The following DOCK5 variants were observed in gnomAD, a reference collection of about 807,000 sequenced individuals.
The protein encoded by DOCK5 is dedicator of cytokinesis protein 5.
In DOCK5, 142 loss-of-function variants were observed where a neutral mutation model predicts 251.8. That is an observed-to-expected ratio of 0.56 (90% CI 0.49 to 0.65). The LOEUF (loss-of-function observed/expected upper bound fraction) is 0.65, where lower values mean the gene tolerates loss of function less well. Among genes scored for constraint, DOCK5 ranks in the 30% least tolerant of loss-of-function variants. DOCK5 has a pLI of 0.00. For missense variants in DOCK5, 2,111 were observed against 2,312.3 expected, an observed-to-expected ratio of 0.91 and a Z score of 1.79; for synonymous variants, 842 against 835.5, an observed-to-expected ratio of 1.01 and a Z score of -0.13.
At chr8:25,364,950 G>C (rs528221289) in intron 30 of DOCK5, among the ~76,000 whole-genome samples, 3 of 152,062 alleles carry the variant, frequency 2.0e-5, no homozygotes, top group African/African-American at 7.2e-5. Flanking sequence ...AATAGTAGAA[G>C]ATCAAAAATA....
rs961434329 is a variant in DOCK5, at chr8:25,184,743, C to T, written c.-166C>T. The T allele has an allele frequency of 2.2e-6, 1 of 460,774 alleles. No homozygotes were observed. Among genetic ancestry groups the T allele is most frequent in the Non-Finnish European group, 3.2e-6 (1 of 316,730 alleles). The allele number at this position is 460,774 out of a possible 1,614,324, so 28.5% of individuals were successfully genotyped here. A position where few individuals can be genotyped will look rare whatever the true frequency, so the allele number is the denominator to read the frequency against. ...TGACCGCGGGCGGCGCGGGCACGGG[C>T]ACGGGCGCGGGCGGCGCGGCGAGGA... On this transcript the variant is annotated 5_prime_UTR_variant, in exon 1 of 52. Transcript: ENST00000276440.
intron 27 of DOCK5, among the ~76,000 whole-genome samples, chr8:25,354,162 A>G (rs913622157): frequency 5.3e-5 from 8 of 151,756 alleles, no homozygotes; most frequent in Admixed American, 5.3e-4. Context: ...TTTATAATTT[A>G]CTGAAATTAC....
intron 5 of DOCK5, among the ~76,000 whole-genome samples, chr8:25,289,652 G>T (rs1804436014): frequency 6.6e-6 from 1 of 151,772 alleles, no homozygotes; most frequent in Non-Finnish European, 1.5e-5. Context: ...AGACCAGCCT[G>T]ACCAACATGG....
intron 1 of DOCK5, among the ~76,000 whole-genome samples, chr8:25,215,652 A>G (rs530964393): frequency 3.3e-5 from 5 of 152,160 alleles, no homozygotes; most frequent in African/African-American, 1.2e-4. Flanking sequence ...TGTTATTTCT[A>G]TTTCCAGCAA....
chr8:25,346,712 T>C (rs1800374857), intron 26 of DOCK5, among the ~76,000 whole-genome samples: 1 of 147,132 alleles, frequency 6.8e-6, no homozygotes, highest in Non-Finnish European at 1.5e-5. Context: ...TAGTCCCAGC[T>C]ACTCGGGAGG....
At chr8:25,229,997 G>T (rs574322291) in intron 1 of DOCK5, among the ~76,000 whole-genome samples, 2 of 152,076 alleles carry the variant, frequency 1.3e-5, no homozygotes, top group Admixed American at 1.3e-4. Context: ...TAGTTTTCTC[G>T]TAAGTGAAAA....
At chr8:25,232,380 G>A (rs1252585361) in intron 1 of DOCK5, among the ~76,000 whole-genome samples, 12 of 152,200 alleles carry the variant, frequency 7.9e-5, no homozygotes, top group Non-Finnish European at 1.6e-4. Context: ...GACCAACACA[G>A]CCTTTATTCT....
chr8:25,247,097 T>C (rs1434375740), intron 2 of DOCK5, among the ~76,000 whole-genome samples: 1 of 152,060 alleles, frequency 6.6e-6, no homozygotes, highest in East Asian at 1.9e-4. Flanking sequence ...ACCAAGTTGC[T>C]CAGGCTGATC....
At chr8:25,216,209 C>T (rs111205384) in intron 1 of DOCK5, among the ~76,000 whole-genome samples, 17,769 of 103,696 alleles carry the variant, frequency 0.17, 2,272 homozygotes, top group African/African-American at 0.43. Context: ...ACAATATGTG[C>T]ATACAATATG....
chr8:25,359,639 A>G (rs1268363400), intron 28 of DOCK5, among the ~76,000 whole-genome samples: 1 of 152,220 alleles, frequency 6.6e-6, no homozygotes, highest in African/African-American at 2.4e-5. Context: ...TGAACTGCAC[A>G]TTCGAGGAAT....
At chr8:25,266,773 A>G (rs970983190) in intron 2 of DOCK5, among the ~76,000 whole-genome samples, 1 of 151,258 alleles carries the variant, frequency 6.6e-6, no homozygotes, top group Non-Finnish European at 1.5e-5. Flanking sequence ...CAAATTCAGC[A>G]TGATAATTTT....
intron 39 of DOCK5, 144 bp downstream of exon 39, chr8:25,380,538 A>G: frequency 2.9e-6 from 2 of 696,282 alleles, no homozygotes; most frequent in Non-Finnish European, 4.9e-6. Flanking sequence ...GAGAATGAAA[A>G]AAGATGTAGT....
chr8:25,190,775 G>GTTTTTTTTTTTTTTTTTTTTTTTTC (rs755511798), intron 1 of DOCK5, among the ~76,000 whole-genome samples: 1 of 53,980 alleles, frequency 1.9e-5, no homozygotes, highest in Non-Finnish European at 3.3e-5. Context: ...CTTGGTCATG[G>GTTTTTTTTTTTTTTTTTTTTTTTTC]GTTTTTTTTT....
At chr8:25,327,031 A>G (rs1805581282) in intron 18 of DOCK5, among the ~76,000 whole-genome samples, 1 of 152,328 alleles carries the variant, frequency 6.6e-6, no homozygotes, top group South Asian at 2.1e-4. Flanking sequence ...CAGCTCTGCC[A>G]TTTACTAGCT....
At chr8:25,279,535 C>T (rs1303849618) in intron 5 of DOCK5, among the ~76,000 whole-genome samples, 4 of 151,942 alleles carry the variant, frequency 2.6e-5, no homozygotes, top group Admixed American at 6.6e-5. Flanking sequence ...GGCGCTGTCC[C>T]GGCTCACTGC....
chr8:25,302,034 T>C (rs1227924305), intron 9 of DOCK5, among the ~76,000 whole-genome samples: 1 of 152,200 alleles, frequency 6.6e-6, no homozygotes, highest in Non-Finnish European at 1.5e-5. Flanking sequence ...GATTTTTCAA[T>C]ACCCTGCTTA....
chr8:25,347,153 C>T (rs1040382636), intron 26 of DOCK5, among the ~76,000 whole-genome samples: 8 of 152,158 alleles, frequency 5.3e-5, no homozygotes, highest in Admixed American at 2.6e-4. Context: ...ATAGCTAAAC[C>T]GTTAGTTCAC....
At chr8:25,305,241 A>G (rs1456522939) in intron 11 of DOCK5, 3 of 151,852 alleles carry the variant, frequency 2.0e-5, no homozygotes, top group South Asian at 4.1e-4. Flanking sequence ...GAGTTAATAT[A>G]TCACTTTTTA....
rs1381987407 is a variant in DOCK5 at position 25,409,890 on chromosome 8, C to G, written c.5405-209C>G. 1.2e-5 allele frequency: 6 copies of G among 506,690 alleles called. No individual in the cohort carries two copies. In the Admixed American group the frequency reaches 2.1e-4, roughly 18 times the overall value. The allele number at this position is 506,690 out of a possible 1,614,324, so 31.4% of individuals were successfully genotyped here. On this transcript the variant is annotated intron_variant, in intron 50 of 51. Transcript: ENST00000276440. Reference sequence around the variant, plus strand: ...AAATAAAGTTTTTGCTTCAGAACACCTTGTGGAGCTCTTGAAACTTCTGGC... The same window carrying G: ...AAATAAAGTTTTTGCTTCAGAACACGTTGTGGAGCTCTTGAAACTTCTGGC...
Sources: gnomAD v4.1 joint callset for allele counts (sites outside exome capture counted in the v4.1 genomes callset) on GRCh38, gnomAD v4.1.1 for gene constraint, MANE v1.5 for transcripts, NCBI Gene and HGNC (gene_info 2026-07-23, HGNC 2026-07-21) for gene names.